The following PARD3B variants were observed in gnomAD, a reference collection of about 807,000 sequenced individuals.
The protein encoded by PARD3B is par-3 family cell polarity regulator beta.
In PARD3B, 103 loss-of-function variants were observed where a neutral mutation model predicts 130.2. That is an observed-to-expected ratio of 0.79 (90% CI 0.67 to 0.93). PARD3B has a LOEUF of 0.93. Ranked by LOEUF, PARD3B falls within the 40% of genes least tolerant of loss-of-function variation. The pLI is 0.00. For missense variants in PARD3B, 1,609 were observed against 1,499.2 expected (o/e 1.07, Z -1.21); for synonymous variants, 583 against 553.2 (o/e 1.05, Z -0.76).
chr2:205,309,906 ATCTATCTATCTATC>A lies in PARD3B; in HGVS notation c.2630+8207_2630+8220del, dbSNP rs1207837533. The stretch of plus-strand genomic sequence containing the variant: ...TTACTTCTTATCCATCTATCTATCT[ATCTATCTATCTATC>A]TATCTATCATCTATTTTTCATTGGA... On this transcript the variant is annotated intron_variant, in intron 18 of 22. Transcript: ENST00000406610. The surrounding 1 kb of genome is among the most constrained non-coding windows in gnomAD (Gnocchi z 4.7). Among the ~76,000 whole-genome samples, 1 of 28,338 alleles carries A rather than the reference ATCTATCTATCTATC, an allele frequency of 3.5e-5. No individual in the cohort carries two copies. Among genetic ancestry groups the A allele is most frequent in the African/African-American group, 5.8e-5 (1 of 17,328 alleles). The allele number at this position is 28,338 out of a possible 152,430, so 18.6% of individuals were successfully genotyped here.
intron 19 of PARD3B, among the ~76,000 whole-genome samples, chr2:205,428,368 A>G (rs886762500): frequency 1.1e-4 from 17 of 152,158 alleles, no homozygotes; most frequent in African/African-American, 2.4e-5. Flanking sequence ...CAACAGAACC[A>G]GACTCTGTCA....
intron 2 of PARD3B, among the ~76,000 whole-genome samples, chr2:204,830,344 G>A (rs1490961041): frequency 6.6e-6 from 1 of 152,170 alleles, no homozygotes; most frequent in Admixed American, 6.5e-5. Flanking sequence ...GTGGTGGATT[G>A]CTGTTAGAGT....
chr2:204,558,490 G>T (rs545929553), intron 1 of PARD3B, among the ~76,000 whole-genome samples: 1 of 152,174 alleles, frequency 6.6e-6, no homozygotes, highest in Non-Finnish European at 1.5e-5. Context: ...TACAAGGGAT[G>T]TGAAGGACCT....
intron 2 of PARD3B, among the ~76,000 whole-genome samples, chr2:204,901,270 T>C (rs993783908): frequency 3.9e-5 from 6 of 152,094 alleles, no homozygotes; most frequent in African/African-American, 1.4e-4. Flanking sequence ...GAAATCTACC[T>C]GGGGCTCTAT....
chr2:205,099,571 G>C (rs1702610739), intron 4 of PARD3B, among the ~76,000 whole-genome samples: 1 of 152,120 alleles, frequency 6.6e-6, no homozygotes, highest in Non-Finnish European at 1.5e-5. Context: ...CTTATCATTT[G>C]TCAGTTATTT....
chr2:205,093,830 A>G (rs949746590), intron 4 of PARD3B, among the ~76,000 whole-genome samples: 3 of 152,180 alleles, frequency 2.0e-5, no homozygotes, highest in Admixed American at 2.0e-4. Flanking sequence ...TGATCAGAAT[A>G]TATTCTGGTC....
Position 205,121,369 on chromosome 2 carries a change from G to C in PARD3B, c.807-222G>C, listed in dbSNP as rs1575848886. ...GAATGTGCTTTCTAAATTAGAGAAG[G>C]ATGCATGCTAATAATGCATGTATAA... On this transcript the variant is annotated intron_variant, in intron 7 of 22. Coordinates refer to ENST00000406610, the MANE Select transcript of PARD3B (RefSeq NM_001302769.2). This position sits in a 1 kb window ranked among gnomAD's most constrained non-coding sequence, Gnocchi z 5.0. 6.6e-6 allele frequency among the ~76,000 whole-genome samples: 1 copy of C among 152,282 alleles called. No homozygotes were observed. The highest frequency in any genetic ancestry group is 1.9e-4 in the East Asian group (1 of 5,180).
intron 22 of PARD3B, among the ~76,000 whole-genome samples, chr2:205,586,824 T>C (rs1209790754): frequency 6.6e-6 from 1 of 152,162 alleles, no homozygotes; most frequent in Non-Finnish European, 1.5e-5. Context: ...ACAAAGGCCA[T>C]TGCAAAATTT....
chr2:205,121,376 G>A lies in PARD3B; in HGVS notation c.807-215G>A, dbSNP rs1014032068. On this transcript the variant is annotated intron_variant, in intron 7 of 22. Transcript: ENST00000406610. This position sits in a 1 kb window ranked among gnomAD's most constrained non-coding sequence, Gnocchi z 5.0. ...CTTTCTAAATTAGAGAAGGATGCATGCTAATAATGCATGTATAAGCTAGTG... is the reference window on the plus strand; with the variant it reads ...CTTTCTAAATTAGAGAAGGATGCATACTAATAATGCATGTATAAGCTAGTG... 5.3e-5 allele frequency among the ~76,000 whole-genome samples: 8 copies of A among 152,282 alleles called. No homozygotes were observed. The highest frequency in any genetic ancestry group is 7.3e-5 in the Non-Finnish European group (5 of 68,028).
chr2:204,970,987 G>A (rs1168024656), intron 3 of PARD3B, among the ~76,000 whole-genome samples: 1 of 152,176 alleles, frequency 6.6e-6, no homozygotes, highest in Non-Finnish European at 1.5e-5. Flanking sequence ...TGGAAATTAT[G>A]ATTATGTGTT....
intron 2 of PARD3B, among the ~76,000 whole-genome samples, chr2:204,876,829 G>T (rs1255134061): frequency 6.6e-6 from 1 of 152,144 alleles, no homozygotes; most frequent in Non-Finnish European, 1.5e-5. Context: ...TATAAGTTAT[G>T]TAAATCAAAG....
chr2:204,627,067 A>G (rs915022923), intron 1 of PARD3B, among the ~76,000 whole-genome samples: 4 of 152,076 alleles, frequency 2.6e-5, no homozygotes, highest in East Asian at 1.9e-4. Flanking sequence ...AGTGTTGACA[A>G]TTCCTCCTTC....
At chr2:205,120,975 AAC>A (rs1169884714) in intron 7 of PARD3B, among the ~76,000 whole-genome samples, 19 of 152,318 alleles carry the variant, frequency 1.2e-4, no homozygotes, top group Middle Eastern at 3.4e-3. Context: ...AAAAGTGAAA[AAC>A]ACAGTTGCTC....
At chr2:204,694,347 C>T (rs1403263624) in intron 2 of PARD3B, among the ~76,000 whole-genome samples, 2 of 151,962 alleles carry the variant, frequency 1.3e-5, no homozygotes, top group African/African-American at 4.8e-5. Context: ...TTACCACTTA[C>T]CATCTCGAAG....
intron 19 of PARD3B, among the ~76,000 whole-genome samples, chr2:205,410,124 C>G (rs542300956): frequency 1.2e-4 from 18 of 152,200 alleles, no homozygotes; most frequent in African/African-American, 4.3e-4. Flanking sequence ...TTTATTTTGG[C>G]ATATTTGCAT....
chr2:204,918,876 T>C (rs1251347139), intron 2 of PARD3B, among the ~76,000 whole-genome samples: 2 of 149,928 alleles, frequency 1.3e-5, no homozygotes, highest in Non-Finnish European at 3.0e-5. Flanking sequence ...TTCTGGTGAT[T>C]TTTTTTTTTT....
chr2:205,368,626 C>T (rs1334632112), intron 18 of PARD3B, among the ~76,000 whole-genome samples: 12 of 151,954 alleles, frequency 7.9e-5, no homozygotes, highest in Admixed American at 2.6e-4. Flanking sequence ...AGCAAGATTC[C>T]GTCTCAAAAA....
At chr2:205,043,253 T>G (rs940786857) in intron 3 of PARD3B, among the ~76,000 whole-genome samples, 2 of 152,150 alleles carry the variant, frequency 1.3e-5, no homozygotes, top group Non-Finnish European at 2.9e-5. Context: ...GCCTGGCTTT[T>G]TAAGCAGACG....
At chr2:204,547,332 TG>T (rs1377053995) in intron 1 of PARD3B, among the ~76,000 whole-genome samples, 4 of 152,116 alleles carry the variant, frequency 2.6e-5, no homozygotes, top group Non-Finnish European at 5.9e-5. Context: ...ACTCAAGAAC[TG>T]GAGGAGAGTA....
Sources: allele counts gnomAD v4.1 joint callset (sites outside exome capture counted in the v4.1 genomes callset), GRCh38; gene constraint gnomAD v4.1.1; non-coding constraint Gnocchi (gnomAD v3.1); transcripts MANE v1.5; gene names NCBI Gene and HGNC (gene_info 2026-07-23, HGNC 2026-07-21).